The following RPRD2 variants were observed in gnomAD, a reference collection of about 807,000 sequenced individuals.
RPRD2 encodes regulation of nuclear pre-mRNA domain containing 2, also known as regulation of nuclear pre-mRNA domain-containing protein 2.
Under a neutral mutation model 104.4 loss-of-function variants are expected in RPRD2, and 12 were observed. The ratio of observed to expected loss-of-function variants is 0.11; its 90% CI spans 0.07 to 0.19. The LOEUF (loss-of-function observed/expected upper bound fraction) is 0.19, where lower values mean the gene tolerates loss of function less well. Among genes scored for constraint, RPRD2 ranks in the 10% least tolerant of loss-of-function variants. The probability of loss-of-function intolerance (pLI) is 1.00; values close to 1 mark genes in which losing one functional copy is unlikely to be tolerated. For missense variants in RPRD2, 1,543 were observed against 1,790.1 expected (o/e 0.86, Z 2.49); for synonymous variants, 714 against 684.9 (o/e 1.04, Z -0.66).
At chr1:150,381,604 A>G (rs1462794557) in intron 1 of RPRD2, among the ~76,000 whole-genome samples, 5 of 149,856 alleles carry the variant, frequency 3.3e-5, no homozygotes, top group African/African-American at 1.2e-4. Flanking sequence ...TCCTGGGTTC[A>G]TGCCATTCTC....
rs782146907 is a variant in RPRD2 at position 150,452,123 on chromosome 1, G to C, written c.871-5165G>C. 1.4e-4 allele frequency among the ~76,000 whole-genome samples: 18 copies of C among 132,178 alleles called. 1 individual carries two copies. The highest frequency in any genetic ancestry group is 4.5e-4 in the African/African-American group (16 of 35,310). 86.7% of individuals were successfully genotyped at this position (132,178 alleles called of 152,430 possible). ...CACCATTGCACTCCAGCCTGGGCAAGAGAGCAAGACTCTGTCTCAAAAAAA... is the reference window on the plus strand; with the variant it reads ...CACCATTGCACTCCAGCCTGGGCAACAGAGCAAGACTCTGTCTCAAAAAAA... On this transcript the variant is annotated intron_variant, in intron 7 of 10. Transcript: ENST00000369068.
chr1:150,371,859 A>G (rs1415558346), intron 1 of RPRD2, among the ~76,000 whole-genome samples: 1 of 152,180 alleles, frequency 6.6e-6, no homozygotes, highest in African/African-American at 2.4e-5. Flanking sequence ...TTTATTCAAG[A>G]TTTAGACTAT....
At chr1:150,459,191 G>C (rs1667751548) in intron 8 of RPRD2, among the ~76,000 whole-genome samples, 1 of 152,136 alleles carries the variant, frequency 6.6e-6, no homozygotes, top group African/African-American at 2.4e-5. Flanking sequence ...AATCTTATTA[G>C]ATAGTTTGAC....
chr1:150,406,638 A>G (rs1663497519), intron 1 of RPRD2, among the ~76,000 whole-genome samples: 1 of 152,070 alleles, frequency 6.6e-6, no homozygotes, highest in Non-Finnish European at 1.5e-5. Context: ...ACCTCAAATG[A>G]TCCTCCTGCC....
At chr1:150,451,530 C>T (rs190602644) in intron 7 of RPRD2, among the ~76,000 whole-genome samples, 149 of 151,970 alleles carry the variant, frequency 9.8e-4, no homozygotes, top group Admixed American at 1.0e-3. Context: ...AAAAAATTAG[C>T]CGGGCGCAGT....
intron 4 of RPRD2, among the ~76,000 whole-genome samples, chr1:150,442,171 G>C (rs1666453677): frequency 6.7e-6 from 1 of 148,760 alleles, no homozygotes; most frequent in South Asian, 2.1e-4. Context: ...TTAAAACAAA[G>C]GAAATGCAGA....
Position 150,472,703 on chromosome 1 carries a change from A to C in RPRD2, c.3755A>C (p.His1252Pro). ...NPFTKEAALA[H>P]AAPPPPPGEH... Reference sequence around the variant, plus strand: ...TTCACAAAGGAGGCAGCCCTGGCCCATGCTGCCCCACCCCCTCCTCCTGGA... The same window carrying C: ...TTCACAAAGGAGGCAGCCCTGGCCCCTGCTGCCCCACCCCCTCCTCCTGGA... The change falls in exon 11 of 11, where the codon CAT becomes CCT. Residue 1252 changes from histidine to proline, a missense_variant. Around this residue, in one of 4 missense-constraint regions of RPRD2, gnomAD observed 880 missense variants for 885.6 expected, o/e 0.99. Transcript: ENST00000369068. 1 of 1,613,420 alleles carries C rather than the reference A, an allele frequency of 6.2e-7. No individual in the cohort carries two copies. The highest frequency in any genetic ancestry group is 8.5e-7 in the Non-Finnish European group (1 of 1,179,472).
intron 1 of RPRD2, among the ~76,000 whole-genome samples, chr1:150,401,489 A>G (rs1223362052): frequency 3.6e-4 from 54 of 151,356 alleles, no homozygotes; most frequent in Non-Finnish European, 7.4e-5. Context: ...CTCCGTCTCA[A>G]AAAAGAAAGG....
chr1:150,386,054 G>T (rs1661542083), intron 1 of RPRD2, among the ~76,000 whole-genome samples: 1 of 152,116 alleles, frequency 6.6e-6, no homozygotes, highest in African/African-American at 2.4e-5. Flanking sequence ...AGACATTAAG[G>T]TAAGAAAGAT....
intron 3 of RPRD2, chr1:150,441,589 T>C: frequency 3.7e-6 from 1 of 272,534 alleles, no homozygotes; most frequent in East Asian, 7.3e-5. Context: ...AAATGGCATC[T>C]TCTAAGAAGC....
chr1:150,393,297 G>A (rs782172010), intron 1 of RPRD2, among the ~76,000 whole-genome samples: 2 of 151,506 alleles, frequency 1.3e-5, no homozygotes, highest in Non-Finnish European at 2.9e-5. Context: ...TGGCAAAATC[G>A]CATCTACAGA....
chr1:150,419,130 CTT>C (rs1553889132), intron 2 of RPRD2, among the ~76,000 whole-genome samples: 1 of 152,196 alleles, frequency 6.6e-6, no homozygotes, highest in East Asian at 1.9e-4. Flanking sequence ...ACAGTACAAA[CTT>C]ATATCTGATC....
intron 1 of RPRD2, among the ~76,000 whole-genome samples, chr1:150,395,365 T>TTTGTGTGTGTGTG (rs782263204): frequency 6.9e-6 from 1 of 144,076 alleles, no homozygotes; most frequent in African/African-American, 2.6e-5. Flanking sequence ...TAGTATTCCA[T>TTTGTGTGTGTGTG]TGTGTGTGTG....
At chr1:150,458,193 G>T (rs1667673364) in intron 8 of RPRD2, among the ~76,000 whole-genome samples, 1 of 152,176 alleles carries the variant, frequency 6.6e-6, no homozygotes, top group Non-Finnish European at 1.5e-5. Context: ...AGTGGCTCAT[G>T]CCTGTAATCT....
At chr1:150,415,157 C>G (rs1287249593) in intron 1 of RPRD2, among the ~76,000 whole-genome samples, 1 of 151,948 alleles carries the variant, frequency 6.6e-6, no homozygotes, top group Non-Finnish European at 1.5e-5. Context: ...AGTGAAACTC[C>G]ATCTCTACTA....
rs1668728679 is a variant in RPRD2 at position 150,473,350 on chromosome 1, A to C, written c.*16A>C. On this transcript the variant is annotated 3_prime_UTR_variant, in exon 11 of 11. Coordinates refer to ENST00000369068, the MANE Select transcript of RPRD2 (RefSeq NM_015203.5). ...CAGGTACTGATGGAAACCAAGGGAAAGGCATTTTGAACAGTCTAGAGAACA... is the reference window on the plus strand; with the variant it reads ...CAGGTACTGATGGAAACCAAGGGAACGGCATTTTGAACAGTCTAGAGAACA... 3.1e-6 allele frequency: 5 copies of C among 1,589,256 alleles called. No individual in the cohort carries two copies. The highest frequency in any genetic ancestry group is 4.3e-6 in the Non-Finnish European group (5 of 1,168,190).
At chr1:150,407,401 G>GAAATA (rs1663563251) in intron 1 of RPRD2, among the ~76,000 whole-genome samples, 1 of 152,096 alleles carries the variant, frequency 6.6e-6, no homozygotes, top group African/African-American at 2.4e-5. Flanking sequence ...TCTTAAAAAA[G>GAAATA]AAATAAAATT....
Position 150,434,815 on chromosome 1 carries a change from T to G in RPRD2, c.336-6108T>G, listed in dbSNP as rs1665885140. ...CTGGGTGACAGAGTGAGACCCTATC[T>G]CCAAAAATAGAAATAAAAAAGAAAG... On this transcript the variant is annotated intron_variant, in intron 2 of 10. Transcript: ENST00000369068. Among the ~76,000 whole-genome samples the G allele has an allele frequency of 2.0e-5, 3 of 151,428 alleles. No homozygotes were observed. The South Asian group carries it at 6.3e-4, about 32-fold the overall frequency.
chr1:150,409,819 A>G lies in RPRD2; in HGVS notation c.206-7777A>G, dbSNP rs192259609. Among the ~76,000 whole-genome samples the G allele has an allele frequency of 3.6e-4, 54 of 151,830 alleles. No individual in the cohort carries two copies. In the East Asian group the frequency reaches 0.01, roughly 29 times the overall value. On this transcript the variant is annotated intron_variant, in intron 1 of 10. Transcript: ENST00000369068. ...GCCACCACACCCGGCTAATTTTTGT[A>G]TTTTTAGTAGAGAGGGGGTTTCACC... is the stretch of plus-strand genomic sequence containing the variant.
Sources: allele counts gnomAD v4.1 joint callset (sites outside exome capture counted in the v4.1 genomes callset), GRCh38; gene constraint gnomAD v4.1.1; regional missense constraint gnomAD v4.1.1; transcripts MANE v1.5; gene names NCBI Gene and HGNC (gene_info 2026-07-23, HGNC 2026-07-21).